Variants in SRRM4 observed in about 807,000 individuals in gnomAD.
SRRM4 encodes serine/arginine repetitive matrix protein 4.
SRRM4 carries 33 observed loss-of-function variants against 68.9 expected under a neutral mutation model. The ratio of observed to expected loss-of-function variants is 0.48; its 90% CI spans 0.36 to 0.64. SRRM4 has a LOEUF of 0.64. Ranked by LOEUF, SRRM4 falls within the 30% of genes least tolerant of loss-of-function variation. The probability of loss-of-function intolerance (pLI) is 0.00; values close to 1 mark genes in which losing one functional copy is unlikely to be tolerated. For synonymous variants in SRRM4, 318 were observed against 318.8 expected (o/e 1.00, Z 0.03); for missense variants, 817 against 827.1 (o/e 0.99, Z 0.15).
chr12:119,071,863 C>T (rs2136026512), intron 1 of SRRM4, among the ~76,000 whole-genome samples: 2 of 152,318 alleles, frequency 1.3e-5, no homozygotes, highest in Middle Eastern at 6.8e-3. Flanking sequence ...GGGTGGGCTG[C>T]ATGTGTTTAG....
At chr12:119,008,629 C>T (rs1309138976) in intron 1 of SRRM4, among the ~76,000 whole-genome samples, 1 of 152,176 alleles carries the variant, frequency 6.6e-6, no homozygotes, top group Non-Finnish European at 1.5e-5. Context: ...TGAAAGTAGG[C>T]TACTGCCTTT....
rs777284178 is a variant in SRRM4 at position 119,125,391 on chromosome 12, C to G, written c.526C>G (p.Arg176Gly). 1 of 1,613,000 alleles carries G rather than the reference C, an allele frequency of 6.2e-7. No individual in the cohort carries two copies. The highest frequency in any genetic ancestry group is 2.2e-5 in the East Asian group (1 of 44,736). The change falls in exon 7 of 13, where the codon CGG (arginine) becomes GGG (glycine). Residue 176 changes from arginine (R) to glycine (G), a missense_variant. Arg to Gly is a moderately radical substitution (Grantham distance 125). Coordinates refer to ENST00000267260, the MANE Select transcript of SRRM4 (RefSeq NM_194286.4). ...TCTCATCCCCCCAAGATCTCGAAGC[C>G]GGCCCCGAAAGTCTCACCGCCACCG... ...EKRHKKQSRSRPRKSHRHRHH... is the reference protein window; with the variant it reads ...EKRHKKQSRSGPRKSHRHRHH...
At chr12:119,053,917 G>A (rs528167927) in intron 1 of SRRM4, among the ~76,000 whole-genome samples, 1 of 152,198 alleles carries the variant, frequency 6.6e-6, no homozygotes, top group African/African-American at 2.4e-5. Context: ...ATTTTAAAAT[G>A]TACCATTAGG....
At position 119,039,841 on chromosome 12, in the gene SRRM4, G is replaced by A. The variant is rs74929260; in HGVS notation, c.131+57828G>A. ...AAACCTGAGACCCACATTTGCAGACGTGGCTGAAGAGAGAGAGAGAGAGAG... is the reference window on the plus strand; with the variant it reads ...AAACCTGAGACCCACATTTGCAGACATGGCTGAAGAGAGAGAGAGAGAGAG... On this transcript the variant is annotated intron_variant, in intron 1 of 12. Transcript: ENST00000267260. Among the ~76,000 whole-genome samples the A allele has an allele frequency of 9.9e-3, 1,508 of 151,704 alleles. 24 individuals carry two copies. Among genetic ancestry groups the A allele is most frequent in the African/African-American group, 0.034 (1,393 of 41,020 alleles).
At chr12:118,982,671 T>TTTG (rs796881363) in intron 1 of SRRM4, among the ~76,000 whole-genome samples, 1 of 77,734 alleles carries the variant, frequency 1.3e-5, no homozygotes, top group South Asian at 3.6e-4. Flanking sequence ...TTTATTTTGT[T>TTTG]TTTTTTTGTT....
At chr12:119,047,879 G>A (rs1953717484) in intron 1 of SRRM4, among the ~76,000 whole-genome samples, 3 of 152,194 alleles carry the variant, frequency 2.0e-5, no homozygotes, top group Admixed American at 2.0e-4. Context: ...AGGAAGAACT[G>A]CAAAGTCATA....
At chr12:119,120,223 T>C in intron 4 of SRRM4, 27 bp from the exon 5 acceptor site, 1 of 1,516,670 alleles carries the variant, frequency 6.6e-7, no homozygotes, top group Non-Finnish European at 8.9e-7. Context: ...ATTCTTCTTT[T>C]CATTTTTTTT....
Position 119,145,500 on chromosome 12 carries a change from G to A in SRRM4, c.891G>A (p.Thr297=), listed in dbSNP as rs1460441902. 9.9e-6 allele frequency: 16 copies of A among 1,609,832 alleles called. No homozygotes were observed. The highest frequency in any genetic ancestry group is 2.2e-5 in the East Asian group (1 of 44,696). Residue 297 remains threonine (T), a synonymous_variant, in exon 9 of 13, where the codon ACG becomes ACA. Coordinates refer to ENST00000267260, the MANE Select transcript of SRRM4 (RefSeq NM_194286.4). ...ATGACACGTCCTCGCCACCCTCCAC[G>A]CAAACCAGCTCAGCCAGGTCTCGGG... ...SGNDTSSPPS[T]QTSSARSRGQ... is the part of the protein sequence containing the mutation.
At chr12:119,093,174 A>G (rs1018341532) in intron 1 of SRRM4, among the ~76,000 whole-genome samples, 2 of 152,252 alleles carry the variant, frequency 1.3e-5, no homozygotes, top group Admixed American at 1.3e-4. Context: ...TCTAATATTT[A>G]CCACTTAATT....
At chr12:119,022,794 A>C (rs1316048086) in intron 1 of SRRM4, among the ~76,000 whole-genome samples, 1 of 152,150 alleles carries the variant, frequency 6.6e-6, no homozygotes, top group Non-Finnish European at 1.5e-5. Flanking sequence ...ATAATCAGGG[A>C]AATGCATTCT....
At chr12:119,145,347 C>T in intron 8 of SRRM4, 34 bp from the exon 9 acceptor site, 1 of 1,574,794 alleles carries the variant, frequency 6.4e-7, no homozygotes, top group Non-Finnish European at 8.6e-7. Context: ...GGGCCCAGCG[C>T]TCAGCAGTGT....
At chr12:119,043,306 T>C (rs942116607) in intron 1 of SRRM4, among the ~76,000 whole-genome samples, 1 of 151,842 alleles carries the variant, frequency 6.6e-6, no homozygotes, top group African/African-American at 2.4e-5. Context: ...ACTAAACACC[T>C]CATGTTCTCA....
intron 8 of SRRM4, among the ~76,000 whole-genome samples, chr12:119,142,723 C>T (rs534052601): frequency 6.6e-6 from 1 of 152,156 alleles, no homozygotes; most frequent in African/African-American, 2.4e-5. Flanking sequence ...ACACTGGCTA[C>T]CAACCACTCA....
In SRRM4 at chr12:119,130,743, A is replaced by T. The variant is rs1592910491; in HGVS notation, c.680A>T (p.Lys227Met). The T allele has an allele frequency of 1.2e-6, 2 of 1,611,456 alleles. No homozygotes were observed. Among genetic ancestry groups the T allele is most frequent in the East Asian group, 4.5e-5 (2 of 44,848 alleles). Residue 227 changes from lysine to methionine, a missense_variant, in exon 8 of 13, where the codon AAG becomes ATG. Transcript: ENST00000267260. ...CGAAGGCACTCCCGCCGCTGCTCCA[A>T]GACCCTCTGCAAGGACAGCCCTGAG... ...SRRRHSRRCS[K>M]TLCKDSPEAQ...
At chr12:119,102,109 T>C (rs1181129447) in intron 1 of SRRM4, 127 bp from the exon 2 acceptor site, 2 of 924,174 alleles carry the variant, frequency 2.2e-6, no homozygotes, top group African/African-American at 1.7e-5. Flanking sequence ...TGGCCAAAGA[T>C]AATCTCATGG....
At position 119,055,358 on chromosome 12, in the gene SRRM4, G is replaced by A. The variant is rs561588353; in HGVS notation, c.132-46878G>A. On this transcript the variant is annotated intron_variant, in intron 1 of 12. Transcript: ENST00000267260. The stretch of plus-strand genomic sequence containing the variant: ...CACAAGACTATTCTAAAAAGCACAC[G>A]CAATGATGTTATTTATAAATGTAAT... Among the ~76,000 whole-genome samples the A allele has an allele frequency of 4.6e-5, 7 of 152,090 alleles. 1 individual carries two copies. Among genetic ancestry groups the A allele is most frequent in the South Asian group, 4.2e-4 (2 of 4,812 alleles).
chr12:119,000,551 C>T (rs1953377597), intron 1 of SRRM4, among the ~76,000 whole-genome samples: 1 of 152,084 alleles, frequency 6.6e-6, no homozygotes, highest in Non-Finnish European at 1.5e-5. Flanking sequence ...CAAGGTCAGA[C>T]CAGAGATTTA....
chr12:119,152,335 G>C (rs1293859742), intron 10 of SRRM4, among the ~76,000 whole-genome samples: 2 of 152,148 alleles, frequency 1.3e-5, no homozygotes, highest in Admixed American at 6.5e-5. Flanking sequence ...AGCAAATCAG[G>C]CTAAAAGAAA....
chr12:119,084,901 A>C (rs1390941241), intron 1 of SRRM4, among the ~76,000 whole-genome samples: 2 of 152,060 alleles, frequency 1.3e-5, no homozygotes, highest in South Asian at 2.1e-4. Flanking sequence ...AAAAATATTT[A>C]TTTCTTTATT....
Sources: allele counts gnomAD v4.1 joint callset (sites outside exome capture counted in the v4.1 genomes callset), GRCh38; gene constraint gnomAD v4.1.1; transcripts MANE v1.5; gene names NCBI Gene and HGNC (gene_info 2026-07-23, HGNC 2026-07-21).